PCDH15: variants seen among roughly 807,000 people sequenced by gnomAD.
The protein encoded by PCDH15 is protocadherin related 15.
PCDH15 carries 129 observed loss-of-function variants against 178.5 expected under a neutral mutation model. That is an observed-to-expected ratio of 0.72 (90% CI 0.63 to 0.84). The LOEUF is 0.84. Among genes scored for constraint, PCDH15 ranks in the 40% least tolerant of loss-of-function variants. PCDH15 has a pLI of 0.00. For missense variants in PCDH15, 2,230 were observed against 2,099.9 expected, an observed-to-expected ratio of 1.06 and a Z score of -1.21; for synonymous variants, 800 against 732.0, an observed-to-expected ratio of 1.09 and a Z score of -1.50.
chr10:55,067,289 A>G (rs562749115), intron 2 of PCDH15, among the ~76,000 whole-genome samples: 1 of 152,056 alleles, frequency 6.6e-6, no homozygotes, highest in Admixed American at 6.6e-5. Context: ...TGTGTCCATG[A>G]GATCAAGTTT....
chr10:55,362,431 T>C (rs982061330), intron 2 of PCDH15, among the ~76,000 whole-genome samples: 2 of 152,264 alleles, frequency 1.3e-5, no homozygotes, highest in Admixed American at 6.5e-5. Flanking sequence ...ATTTTTAAGA[T>C]TGTGCCAGCT....
chr10:54,388,215 C>T (rs7092779), intron 3 of PCDH15, among the ~76,000 whole-genome samples: 130,136 of 152,148 alleles, frequency 0.86, 55,874 homozygotes, highest in East Asian at 0.99. Flanking sequence ...TCTGTTCAAA[C>T]GTTCATCAGC....
chr10:53,866,048 T>C (rs16937801), intron 27 of PCDH15, among the ~76,000 whole-genome samples: 5,253 of 152,244 alleles, frequency 0.035, 172 homozygotes, highest in East Asian at 0.13. Flanking sequence ...ACTAAACTTC[T>C]GCACTGCCTA....
chr10:53,826,581 T>C (rs1377468541), intron 32 of PCDH15, among the ~76,000 whole-genome samples: 1 of 152,126 alleles, frequency 6.6e-6, no homozygotes, highest in Non-Finnish European at 1.5e-5. Context: ...ACATATCATG[T>C]CCAAAAGCAG....
At position 54,241,122 on chromosome 10, in the gene PCDH15, T is replaced by C. The variant is rs147986294; in HGVS notation, c.877-4191A>G. Among the ~76,000 whole-genome samples the C allele has an allele frequency of 2.3e-3, 354 of 152,316 alleles. 1 individual carries two copies. Among genetic ancestry groups the C allele is most frequent in the African/African-American group, 8.3e-3 (344 of 41,570 alleles). ...CTCTGGTCAACTTTGTAATATCCAC[T>C]AGCAGAAAATAGTCCATCTGTGGCT... On this transcript the variant is annotated intron_variant, in intron 8 of 37. Transcript: ENST00000644397.
At position 54,524,426 on chromosome 10, in the gene PCDH15, T is replaced by A. The variant is rs1026870970; in HGVS notation, c.157+3386A>T. ...GCAGTGCCTGTACACTTCGGCAGAT[T>A]CTGAGAATTAGTTTGAATGAGTGGT... On this transcript the variant is annotated intron_variant, in intron 3 of 37. Transcript: ENST00000644397. 4.6e-5 allele frequency among the ~76,000 whole-genome samples: 7 copies of A among 152,302 alleles called. No homozygotes were observed. The East Asian group carries it at 5.8e-4, about 13-fold the overall frequency.
intron 29 of PCDH15, among the ~76,000 whole-genome samples, chr10:53,835,872 A>AAGAT (rs2077275752): frequency 6.6e-6 from 1 of 152,200 alleles, no homozygotes; most frequent in African/African-American, 2.4e-5. Flanking sequence ...AGATTTCTGT[A>AAGAT]AGATAGATTG....
chr10:55,150,887 C>T (rs1168901832), intron 2 of PCDH15, among the ~76,000 whole-genome samples: 1 of 151,978 alleles, frequency 6.6e-6, no homozygotes, highest in Non-Finnish European at 1.5e-5. Flanking sequence ...CTGTTTAATA[C>T]TAAAATAAGA....
chr10:54,869,357 T>C (rs1953994964), intron 3 of PCDH15, among the ~76,000 whole-genome samples: 2 of 152,198 alleles, frequency 1.3e-5, no homozygotes, highest in South Asian at 4.1e-4. Flanking sequence ...GATTTCAAAC[T>C]TCTAGCCTCC....
intron 2 of PCDH15, among the ~76,000 whole-genome samples, chr10:54,930,971 AGCATGATTGATG>A (rs781719932): frequency 6.6e-6 from 1 of 152,190 alleles, no homozygotes; most frequent in Admixed American, 6.6e-5. Context: ...ATTATGAATT[AGCATGATTGATG>A]GCATGATTGA....
chr10:55,284,684 A>G (rs1410825304), intron 1 of PCDH15, among the ~76,000 whole-genome samples: 1 of 152,012 alleles, frequency 6.6e-6, no homozygotes, highest in Non-Finnish European at 1.5e-5. Flanking sequence ...CACTGTTTGA[A>G]TCTCTAACCT....
At chr10:54,632,009 C>T (rs1010904177) in intron 2 of PCDH15, among the ~76,000 whole-genome samples, 1 of 152,012 alleles carries the variant, frequency 6.6e-6, no homozygotes, top group Non-Finnish European at 1.5e-5. Flanking sequence ...CACAGCCAAA[C>T]CTTATCATCA....
At chr10:55,111,532 T>TAG (rs566179292) in intron 2 of PCDH15, among the ~76,000 whole-genome samples, 4 of 148,374 alleles carry the variant, frequency 2.7e-5, no homozygotes, top group Admixed American at 1.3e-4. Flanking sequence ...AGATACTATT[T>TAG]AAAAAAAAAA....
At chr10:54,692,709 G>GATTGAGTAACTCCGAACATCCCTT (rs1565956142) in intron 1 of PCDH15, among the ~76,000 whole-genome samples, 1 of 152,160 alleles carries the variant, frequency 6.6e-6, no homozygotes, top group Admixed American at 6.6e-5. Flanking sequence ...AAACATCCCT[G>GATTGAGTAACTCCGAACATCCCTT]ATTGAATAAC....
intron 2 of PCDH15, among the ~76,000 whole-genome samples, chr10:54,555,736 C>CAAAAAAAAAA (rs869032040): frequency 1.5e-4 from 11 of 73,180 alleles, no homozygotes; most frequent in East Asian, 3.4e-4. Context: ...GACTCTGTCT[C>CAAAAAAAAAA]AAAAAAAAAA....
intron 2 of PCDH15, among the ~76,000 whole-genome samples, chr10:54,994,163 T>C (rs994977952): frequency 2.0e-5 from 3 of 152,206 alleles, no homozygotes; most frequent in African/African-American, 7.2e-5. Context: ...CCTTTACTCA[T>C]AAGAATATTT....
chr10:54,692,163 T>C (rs2095133562), intron 1 of PCDH15, among the ~76,000 whole-genome samples: 1 of 152,192 alleles, frequency 6.6e-6, no homozygotes. Context: ...TATATTCATC[T>C]ACATACACTG....
intron 7 of PCDH15, among the ~76,000 whole-genome samples, chr10:54,326,794 A>G (rs573854497): frequency 8.3e-4 from 127 of 152,296 alleles, no homozygotes; most frequent in Non-Finnish European, 1.3e-3. Flanking sequence ...ATCAATGGTG[A>G]TCCATTATTA....
chr10:54,556,114 A>G (rs1210378444), intron 2 of PCDH15, among the ~76,000 whole-genome samples: 1 of 152,246 alleles, frequency 6.6e-6, no homozygotes, highest in African/African-American at 2.4e-5. Context: ...AACTATAAAT[A>G]AAATATTTAG....
Sources: allele counts gnomAD v4.1 joint callset (sites outside exome capture counted in the v4.1 genomes callset), GRCh38; gene constraint gnomAD v4.1.1; transcripts MANE v1.5; gene names NCBI Gene and HGNC (gene_info 2026-07-23, HGNC 2026-07-21).